The following CDH12 variants were observed in gnomAD, a reference collection of about 807,000 sequenced individuals.
The protein encoded by CDH12 is cadherin-12.
In CDH12, 41 loss-of-function variants were observed where a neutral mutation model predicts 74.1. The ratio of observed to expected loss-of-function variants is 0.55; its 90% CI spans 0.43 to 0.72. The LOEUF (loss-of-function observed/expected upper bound fraction) is 0.72. Among genes scored for constraint, CDH12 ranks in the 30% least tolerant of loss-of-function variants. CDH12 has a pLI of 0.00. For synonymous variants in CDH12, 399 were observed against 355.0 expected (o/e 1.12, Z -1.39); for missense variants, 945 against 977.2 (o/e 0.97, Z 0.44).
At chr5:22,169,058 C>G (rs148196029) in intron 4 of CDH12, among the ~76,000 whole-genome samples, 10,163 of 151,646 alleles carry the variant, frequency 0.067, 453 homozygotes, top group South Asian at 0.15. Context: ...CTCTGTTTCT[C>G]TAGTCTAATT....
In CDH12 at chr5:22,606,025, G is replaced by A. The variant is rs557638986; in HGVS notation, c.-522-100661C>T. The stretch of plus-strand genomic sequence containing the variant: ...AGCATTTCCAGCTCAAAAACCAGCT[G>A]GATACTGTCCTCCATTATTGTCCAG... On this transcript the variant is annotated intron_variant, in intron 1 of 14. Coordinates refer to ENST00000382254, the MANE Select transcript of CDH12 (RefSeq NM_004061.5). Among the ~76,000 whole-genome samples the A allele has an allele frequency of 2.0e-5, 3 of 152,246 alleles. No homozygotes were observed. The South Asian group carries it at 6.2e-4, about 32-fold the overall frequency.
rs1163737190 is a variant in CDH12 at position 21,755,747 on chromosome 5, G to A, written c.1729C>T (p.Pro577Ser). The change falls in exon 14 of 15, where the codon CCT (proline) becomes TCT (serine). Residue 577 changes from proline to serine, a missense_variant. By Grantham distance (74) the Pro-to-Ser change is moderately conservative. This residue lies in a region of CDH12 where 791 missense variants were observed against 792.8 expected (regional missense o/e 1.00). Transcript: ENST00000382254. ...LPVVIEDSSY[P>S]VQSSTNTMTI... is the part of the protein sequence containing the mutation. ...ATTGTGTTTGTGCTGCTCTGGACAG[G>A]GTAGCTGCTGTCTTCTATTACAACA... 1.2e-6 allele frequency: 2 copies of A among 1,613,844 alleles called. No homozygotes were observed. The highest frequency in any genetic ancestry group is 1.7e-6 in the Non-Finnish European group (2 of 1,179,872).
intron 3 of CDH12, among the ~76,000 whole-genome samples, chr5:22,288,915 A>G (rs1192115675): frequency 6.6e-6 from 1 of 152,200 alleles, no homozygotes; most frequent in East Asian, 1.9e-4. Flanking sequence ...TATAAAAATG[A>G]AAACTGTATT....
intron 1 of CDH12, among the ~76,000 whole-genome samples, chr5:22,515,301 T>C (rs995929034): frequency 2.0e-5 from 3 of 152,086 alleles, no homozygotes; most frequent in African/African-American, 7.2e-5. Context: ...CCATGGAACT[T>C]GTAAAGCTGA....
intron 1 of CDH12, among the ~76,000 whole-genome samples, chr5:22,565,010 C>T (rs1739225104): frequency 6.6e-6 from 1 of 152,100 alleles, no homozygotes; most frequent in Admixed American, 6.5e-5. Flanking sequence ...AATCTCGGGT[C>T]ACTGCACCTC....
chr5:22,737,792 A>C (rs781630126), intron 1 of CDH12, among the ~76,000 whole-genome samples: 2 of 152,100 alleles, frequency 1.3e-5, no homozygotes, highest in Non-Finnish European at 2.9e-5. Context: ...TGTATATTTT[A>C]ATGAAAATTA....
At chr5:22,346,331 T>G (rs1740111071) in intron 3 of CDH12, among the ~76,000 whole-genome samples, 1 of 152,186 alleles carries the variant, frequency 6.6e-6, no homozygotes, top group Admixed American at 6.5e-5. Flanking sequence ...TTTAGCATTA[T>G]TTACATAACG....
At position 22,269,801 on chromosome 5, in the gene CDH12, G is replaced by A. The variant is rs575188071; in HGVS notation, c.-332-57158C>T. On this transcript the variant is annotated intron_variant, in intron 3 of 14. Transcript: ENST00000382254. The stretch of plus-strand genomic sequence containing the variant: ...ATTAAGTCAAAAGTAAAAAGGTACC[G>A]AATATGTTCCATGAAAATAGTTTAA... Among the ~76,000 whole-genome samples the A allele has an allele frequency of 1.4e-4, 21 of 152,140 alleles. 1 individual carries two copies. Among genetic ancestry groups the A allele is most frequent in the Admixed American group, 5.9e-4 (9 of 15,254 alleles).
chr5:22,333,282 A>G (rs1739425379), intron 3 of CDH12, among the ~76,000 whole-genome samples: 1 of 151,954 alleles, frequency 6.6e-6, no homozygotes, highest in South Asian at 2.1e-4. Flanking sequence ...ACATGGACAC[A>G]ACGAGGGTAA....
In CDH12 at chr5:21,949,677, T is replaced by A. The variant is rs553279825; in HGVS notation, c.526+25414A>T. ...AGTATGTGCATTTGTGTCTTTGTTT[T>A]TAACAACAACAACAAAAAAATTAAA... On this transcript the variant is annotated intron_variant, in intron 6 of 14. Transcript: ENST00000382254. 1.7e-4 allele frequency among the ~76,000 whole-genome samples: 26 copies of A among 152,056 alleles called. No homozygotes were observed. The South Asian group carries it at 5.2e-3, about 30-fold the overall frequency.
intron 3 of CDH12, among the ~76,000 whole-genome samples, chr5:22,379,489 C>T (rs985346644): frequency 2.6e-5 from 4 of 152,090 alleles, no homozygotes; most frequent in African/African-American, 4.8e-5. Context: ...TTAAATGACT[C>T]ATTAACTTGG....
intron 4 of CDH12, among the ~76,000 whole-genome samples, chr5:22,151,577 A>G (rs1747587830): frequency 2.0e-5 from 3 of 152,152 alleles, no homozygotes; most frequent in Admixed American, 6.5e-5. Context: ...TTGTTCCCTG[A>G]GCAGTGAAAC....
chr5:21,777,551 C>G (rs943189102), intron 11 of CDH12, among the ~76,000 whole-genome samples: 1 of 147,760 alleles, frequency 6.8e-6, no homozygotes, highest in Non-Finnish European at 1.5e-5. Flanking sequence ...GAGACAGAGT[C>G]TCACTCTGTC....
At chr5:22,278,770 T>C (rs912131592) in intron 3 of CDH12, among the ~76,000 whole-genome samples, 13 of 152,162 alleles carry the variant, frequency 8.5e-5, no homozygotes, top group Non-Finnish European at 1.8e-4. Context: ...CTGTCCTACT[T>C]CTGAAGAATA....
intron 3 of CDH12, among the ~76,000 whole-genome samples, chr5:22,241,232 T>C (rs1752738005): frequency 6.6e-6 from 1 of 152,066 alleles, no homozygotes; most frequent in East Asian, 1.9e-4. Flanking sequence ...GACATATAAA[T>C]ACACTTTTTT....
intron 3 of CDH12, among the ~76,000 whole-genome samples, chr5:22,340,535 A>G (rs1382706923): frequency 6.6e-6 from 1 of 151,938 alleles, no homozygotes; most frequent in Admixed American, 6.6e-5. Context: ...CAAAAAAAAA[A>G]AAAAAATCTG....
intron 4 of CDH12, among the ~76,000 whole-genome samples, chr5:22,203,179 A>G (rs972699213): frequency 9.2e-5 from 14 of 152,200 alleles, no homozygotes; most frequent in Non-Finnish European, 5.9e-5. Flanking sequence ...ATGCTGTGCA[A>G]TGGAATACTA....
intron 8 of CDH12, among the ~76,000 whole-genome samples, chr5:21,817,864 G>A (rs577254209): frequency 5.3e-5 from 8 of 151,880 alleles, no homozygotes; most frequent in South Asian, 2.1e-4. Flanking sequence ...CAGGTGGAGC[G>A]TTTATATTAC....
intron 3 of CDH12, among the ~76,000 whole-genome samples, chr5:22,232,896 C>A (rs1163989897): frequency 6.8e-6 from 1 of 147,032 alleles, no homozygotes; most frequent in Non-Finnish European, 1.5e-5. Context: ...TATATATTTT[C>A]TATATATATT....
Sources: gnomAD v4.1 joint callset for allele counts (sites outside exome capture counted in the v4.1 genomes callset) on GRCh38, gnomAD v4.1.1 for gene constraint, gnomAD v4.1.1 regional missense constraint, MANE v1.5 for transcripts, NCBI Gene and HGNC (gene_info 2026-07-23, HGNC 2026-07-21) for gene names.